DYNLRB1: variants seen among roughly 807,000 people sequenced by gnomAD.
DYNLRB1 encodes dynein light chain roadblock-type 1, also known as ROBL/LC7-like 1.
Under a neutral mutation model 13.5 loss-of-function variants are expected in DYNLRB1, and 6 were observed. The ratio of observed to expected loss-of-function variants is 0.44; its 90% confidence interval spans 0.24 to 0.88. DYNLRB1 has a LOEUF of 0.88. DYNLRB1 is among the 40% of genes least tolerant of loss of function. DYNLRB1 has a pLI of 0.21. For synonymous variants in DYNLRB1, 43 were observed against 45.0 expected, an observed-to-expected ratio of 0.96 and a Z score of 0.18; for missense variants, 93 against 127.2, an observed-to-expected ratio of 0.73 and a Z score of 1.29.
intron 1 of DYNLRB1, among the ~76,000 whole-genome samples, chr20:34,523,852 T>C (rs1342449388): frequency 6.6e-6 from 1 of 152,244 alleles, no homozygotes; most frequent in East Asian, 1.9e-4. Flanking sequence ...GCCATGTAGT[T>C]ACTAAATGAA....
chr20:34,516,420 C>T, upstream of DYNLRB1: 1 of 1,612,314 alleles, frequency 6.2e-7, no homozygotes, highest in Non-Finnish European at 8.5e-7. Flanking sequence ...ACAGGACTCG[C>T]TAAGTGTTCG....
At chr20:34,536,799 T>C (rs1334640163) in intron 3 of DYNLRB1, among the ~76,000 whole-genome samples, 1 of 151,252 alleles carries the variant, frequency 6.6e-6, no homozygotes, top group East Asian at 1.9e-4. Context: ...GCTCACCCTG[T>C]GCACAGCAGA....
intron 2 of DYNLRB1, among the ~76,000 whole-genome samples, chr20:34,527,023 G>T (rs553075835): frequency 6.6e-6 from 1 of 152,234 alleles, no homozygotes; most frequent in African/African-American, 2.4e-5. Context: ...GACTGCACTG[G>T]ACAGGAAGGG....
chr20:34,534,484 C>T (rs1457335096), intron 2 of DYNLRB1, 144 bp from the exon 3 acceptor site: 3 of 1,053,416 alleles, frequency 2.8e-6, no homozygotes, highest in Non-Finnish European at 4.0e-6. Context: ...GTGCTCAGCA[C>T]CATGCCTGTC....
rs768110768 is a variant in DYNLRB1, at chr20:34,516,444, C to T, written c.-15C>T. On this transcript the variant is annotated 5_prime_UTR_variant, in exon 1 of 4. Coordinates refer to ENST00000357156, the MANE Select transcript of DYNLRB1 (RefSeq NM_014183.4). ...GCTAAGTGTTCGCTACGCGGGGCTACCGGATCGGTCGGAAATGGTGAGCGT... is the reference window on the plus strand; with the variant it reads ...GCTAAGTGTTCGCTACGCGGGGCTATCGGATCGGTCGGAAATGGTGAGCGT... The T allele has an allele frequency of 1.2e-5, 20 of 1,613,224 alleles. No individual in the cohort carries two copies. Among genetic ancestry groups the T allele is most frequent in the Non-Finnish European group, 1.5e-5 (18 of 1,179,608 alleles).
rs139294572 is a variant in DYNLRB1, at chr20:34,522,763, T to C, written c.4-3505T>C. 3.8e-3 allele frequency among the ~76,000 whole-genome samples: 586 copies of C among 152,258 alleles called. 7 individuals are homozygous for C. Among genetic ancestry groups the C allele is most frequent in the African/African-American group, 0.013 (561 of 41,578 alleles). On this transcript the variant is annotated intron_variant, in intron 1 of 3. Coordinates refer to ENST00000357156, the MANE Select transcript of DYNLRB1 (RefSeq NM_014183.4). ...TGCTGGGATTACAGGCATGAGCCAC[T>C]GTGCCCAGCCCATGTTTACTTTTAA...
intron 2 of DYNLRB1, among the ~76,000 whole-genome samples, chr20:34,528,311 CAAAAAAAAAA>C (rs59104612): frequency 0.023 from 118 of 5,200 alleles, 2 homozygotes; most frequent in Middle Eastern, 0.5. Flanking sequence ...GACTCCGTCT[CAAAAAAAAAA>C]AAAAAAAAAA....
chr20:34,528,069 TTGGGAGGCCGAGGCGGGCGGATC>T lies in DYNLRB1; in HGVS notation c.79+1727_79+1749del, dbSNP rs1428557316. Among the ~76,000 whole-genome samples the T allele has an allele frequency of 1.6e-3, 63 of 40,070 alleles. 14 individuals are homozygous for T. Among genetic ancestry groups the T allele is most frequent in the Middle Eastern group, 0.013 (1 of 76 alleles). 26.3% of individuals were successfully genotyped at this position (40,070 alleles called of 152,430 possible). A position where few individuals can be genotyped will look rare whatever the true frequency, so the allele number is the denominator to read the frequency against. On this transcript the variant is annotated intron_variant, in intron 2 of 3. Coordinates refer to ENST00000357156, the MANE Select transcript of DYNLRB1 (RefSeq NM_014183.4). ...GGCTCACGCCTGTAATCCCAGCACTTTGGGAGGCCGAGGCGGGCGGATCACGAGGTCAGGAGATCGAGACCATC... is the reference window on the plus strand; with the variant it reads ...GGCTCACGCCTGTAATCCCAGCACTTACGAGGTCAGGAGATCGAGACCATC...
chr20:34,526,225 CT>C, intron 1 of DYNLRB1, 42 bp from the exon 2 acceptor site: 7 of 1,607,646 alleles, frequency 4.4e-6, no homozygotes, highest in Non-Finnish European at 6.0e-6. Context: ...GAAGTTAATC[CT>C]GCCTATCGGC....
Position 34,526,340 on chromosome 20 carries a change from G to A in DYNLRB1, c.76G>A (p.Glu26Lys). 3 of 1,613,982 alleles carry A rather than the reference G, an allele frequency of 1.9e-6. No homozygotes were observed. Among genetic ancestry groups the A allele is most frequent in the Non-Finnish European group, 2.5e-6 (3 of 1,179,984 alleles). The change falls in exon 2 of 4, where the codon GAA (glutamate) becomes AAA (lysine). Residue 26 changes from glutamate to lysine, a missense_variant. Coordinates refer to ENST00000357156, the MANE Select transcript of DYNLRB1 (RefSeq NM_014183.4). ...GCAGGGAATCATCGTCGTGAACACA[G>A]AAGGTACGCCCTCCCTCCCGCCATG... The part of the protein sequence containing the change: ...GVQGIIVVNT[E>K]GIPIKSTMDN...
At chr20:34,539,276 C>T (rs1981404685) in intron 3 of DYNLRB1, among the ~76,000 whole-genome samples, 1 of 152,208 alleles carries the variant, frequency 6.6e-6, no homozygotes, top group African/African-American at 2.4e-5. Flanking sequence ...GGACATTCCT[C>T]CTTACAGGGC....
rs1289103055 is a variant in DYNLRB1 at position 34,533,527 on chromosome 20, G to A, written c.80-1101G>A. On this transcript the variant is annotated intron_variant, in intron 2 of 3. Coordinates refer to ENST00000357156, the MANE Select transcript of DYNLRB1 (RefSeq NM_014183.4). ...CTTTTTCTCTTCTACTTTTTAGTGT[G>A]TAGAAGTTTGTGGCCGGGCGCGGTG... 3 of 985,296 alleles carry A rather than the reference G, an allele frequency of 3.0e-6. No homozygotes were observed. In the African/African-American group the frequency reaches 5.2e-5, roughly 17 times the overall value. The allele number at this position is 985,296 out of a possible 1,614,324, so 61.0% of individuals were successfully genotyped here. A position where few individuals can be genotyped will look rare whatever the true frequency, so the allele number is the denominator to read the frequency against.
intron 2 of DYNLRB1, among the ~76,000 whole-genome samples, chr20:34,527,433 A>G (rs1450878736): frequency 2.0e-5 from 3 of 152,236 alleles, no homozygotes. Context: ...CATTTAGTAC[A>G]GTATCGTCAC....
chr20:34,523,066 G>A lies in DYNLRB1; in HGVS notation c.4-3202G>A, dbSNP rs186321944. On this transcript the variant is annotated intron_variant, in intron 1 of 3. Transcript: ENST00000357156. ...TGAACGTGACCTAAACAGTTGCACT[G>A]CATTGTGGTCAGTGCTGCGAAGGCT... Among the ~76,000 whole-genome samples, 326 of 152,286 alleles carry A rather than the reference G, an allele frequency of 2.1e-3. 3 individuals are homozygous for A. The highest frequency in any genetic ancestry group is 2.4e-3 in the Non-Finnish European group (165 of 68,032).
intron 2 of DYNLRB1, chr20:34,529,966 G>A (rs768946801): frequency 6.5e-6 from 9 of 1,374,822 alleles, no homozygotes; most frequent in Middle Eastern, 2.1e-4. Context: ...GCCCTCAACT[G>A]CCTCGAGTCC....
intron 1 of DYNLRB1, among the ~76,000 whole-genome samples, chr20:34,524,381 T>G (rs895221879): frequency 6.6e-6 from 1 of 152,252 alleles, no homozygotes; most frequent in Non-Finnish European, 1.5e-5. Flanking sequence ...TAGTGGATGT[T>G]CCATAATCTA....
At chr20:34,524,106 G>A (rs1295148840) in intron 1 of DYNLRB1, among the ~76,000 whole-genome samples, 1 of 152,072 alleles carries the variant, frequency 6.6e-6, no homozygotes, top group Non-Finnish European at 1.5e-5. Context: ...TGCATAGATG[G>A]GGGGTTAAAA....
chr20:34,528,710 C>T (rs1980456727), intron 2 of DYNLRB1, among the ~76,000 whole-genome samples: 2 of 152,188 alleles, frequency 1.3e-5, no homozygotes, highest in Admixed American at 1.3e-4. Flanking sequence ...TGGTTGCTCA[C>T]ACCTGTTCTC....
intron 2 of DYNLRB1, chr20:34,530,264 G>A (rs1007553171): frequency 9.7e-7 from 1 of 1,033,986 alleles, no homozygotes; most frequent in Non-Finnish European, 1.2e-6. Flanking sequence ...ATACTCATGG[G>A]GCTGATTGCA....
Sources: allele counts gnomAD v4.1 joint callset (sites outside exome capture counted in the v4.1 genomes callset), GRCh38; gene constraint gnomAD v4.1.1; transcripts MANE v1.5; gene names NCBI Gene and HGNC (gene_info 2026-07-23, HGNC 2026-07-21).